The following HEMK2 variants were observed in gnomAD, a reference collection of about 807,000 sequenced individuals.
HEMK2 encodes methyltransferase HEMK2.
chr21:28,608,169 C>T, the HEMK2 span, among the ~76,000 whole-genome samples: 2 of 152,004 alleles, frequency 1.3e-5, no homozygotes, highest in African/African-American at 4.8e-5. Flanking sequence ...ATATGGAACA[C>T]TGACATGAAA....
the HEMK2 span, among the ~76,000 whole-genome samples, chr21:28,826,265 C>T: frequency 6.6e-6 from 1 of 152,174 alleles, no homozygotes; most frequent in East Asian, 1.9e-4. Context: ...GATAAGTACA[C>T]ATCAGTAGGG....
At chr21:28,689,571 T>A in the HEMK2 span, among the ~76,000 whole-genome samples, 1 of 152,154 alleles carries the variant, frequency 6.6e-6, no homozygotes, top group African/African-American at 2.4e-5. Context: ...CAAAACAAGG[T>A]ATAAGGCGAT....
At chr21:28,753,127 T>C in the HEMK2 span, among the ~76,000 whole-genome samples, 1 of 152,140 alleles carries the variant, frequency 6.6e-6, no homozygotes, top group African/African-American at 2.4e-5. Flanking sequence ...AAGGCCAAGA[T>C]GGGTGAAGCA....
At chr21:28,835,985 G>A in the HEMK2 span, among the ~76,000 whole-genome samples, 1 of 152,070 alleles carries the variant, frequency 6.6e-6, no homozygotes, top group Non-Finnish European at 1.5e-5. Flanking sequence ...AAGAAGTCTG[G>A]GATTATGCTA....
At chr21:28,724,481 C>T in the HEMK2 span, among the ~76,000 whole-genome samples, 1 of 152,184 alleles carries the variant, frequency 6.6e-6, no homozygotes, top group Non-Finnish European at 1.5e-5. Flanking sequence ...GGAAAACCTG[C>T]TTATTTCCTA....
At chr21:28,792,758 C>A in the HEMK2 span, among the ~76,000 whole-genome samples, 1 of 152,330 alleles carries the variant, frequency 6.6e-6, no homozygotes, top group Non-Finnish European at 1.5e-5. Context: ...ACTGCGTCTT[C>A]TCTTCCTCAT....
the HEMK2 span, among the ~76,000 whole-genome samples, chr21:28,811,791 A>G: frequency 8.5e-5 from 13 of 152,228 alleles, no homozygotes; most frequent in Non-Finnish European, 1.8e-4. Context: ...CAGGATTTCC[A>G]TGAATAAATG....
chr21:28,748,698 A>G, the HEMK2 span, among the ~76,000 whole-genome samples: 3 of 152,254 alleles, frequency 2.0e-5, no homozygotes, highest in African/African-American at 7.2e-5. Flanking sequence ...AACATGCACC[A>G]TTATCAATTA....
At chr21:28,635,591 C>T in the HEMK2 span, among the ~76,000 whole-genome samples, 1 of 152,236 alleles carries the variant, frequency 6.6e-6, no homozygotes, top group East Asian at 1.9e-4. Flanking sequence ...TGATACTACA[C>T]TACTGTGTAC....
At chr21:28,811,831 C>T in the HEMK2 span, among the ~76,000 whole-genome samples, 1 of 152,206 alleles carries the variant, frequency 6.6e-6, no homozygotes, top group African/African-American at 2.4e-5. Context: ...GAAAAGTTTT[C>T]CACCACATCT....
the HEMK2 span, among the ~76,000 whole-genome samples, chr21:28,601,119 G>A: frequency 2.4e-4 from 36 of 152,088 alleles, no homozygotes; most frequent in Non-Finnish European, 4.0e-4. Context: ...CCAAGCCACC[G>A]GTATCGTGTG....
At chr21:28,674,654 A>T in the HEMK2 span, 7 of 152,272 alleles carry the variant, frequency 4.6e-5, no homozygotes, top group South Asian at 1.2e-3. Context: ...CACCTTGAGA[A>T]CTCTTTGCTA....
chr21:28,594,438 T>C, the HEMK2 span, among the ~76,000 whole-genome samples: 1 of 152,230 alleles, frequency 6.6e-6, no homozygotes, highest in Non-Finnish European at 1.5e-5. Context: ...GTGCATGTTA[T>C]ATGGAAATTA....
At chr21:28,587,865 GT>G in the HEMK2 span, among the ~76,000 whole-genome samples, 1 of 152,188 alleles carries the variant, frequency 6.6e-6, no homozygotes. Context: ...TGACTCATTT[GT>G]TTGCAGAGAT....
At chr21:28,603,041 C>T in the HEMK2 span, among the ~76,000 whole-genome samples, 2 of 152,198 alleles carry the variant, frequency 1.3e-5, no homozygotes, top group Non-Finnish European at 2.9e-5. Context: ...TGGAAATCCA[C>T]GATGGTGAAT....
the HEMK2 span, among the ~76,000 whole-genome samples, chr21:28,690,507 G>GT: frequency 1.4e-4 from 21 of 152,194 alleles, no homozygotes; most frequent in African/African-American, 1.9e-4. Flanking sequence ...ATAAATTGTG[G>GT]TTTTTTTAAG....
the HEMK2 span, among the ~76,000 whole-genome samples, chr21:28,820,860 C>T: frequency 3.3e-5 from 5 of 152,116 alleles, no homozygotes; most frequent in Non-Finnish European, 7.3e-5. Context: ...GAATCTGAAG[C>T]AATCATATGT....
the HEMK2 span, among the ~76,000 whole-genome samples, chr21:28,601,604 A>ATCTCTCTCTCTCTCTCTCTCTCTC: frequency 7.9e-6 from 1 of 126,784 alleles, no homozygotes; most frequent in African/African-American, 3.0e-5. Flanking sequence ...ACCTTCTGAC[A>ATCTCTCTCTCTCTCTCTCTCTCTC]TCTCTCTCTC....
chr21:28,853,134 T>C, the HEMK2 span, among the ~76,000 whole-genome samples: 6 of 152,188 alleles, frequency 3.9e-5, no homozygotes, highest in Non-Finnish European at 8.8e-5. Context: ...GGATATATCT[T>C]CTGGACCCTC....
Sources: gnomAD v4.1 joint callset for allele counts (sites outside exome capture counted in the v4.1 genomes callset) on GRCh38, gnomAD v4.1.1 for gene constraint, MANE v1.5 for transcripts, NCBI Gene and HGNC (gene_info 2026-07-23, HGNC 2026-07-21) for gene names.